Variants in RCAN2 observed in about 807,000 individuals in gnomAD.
RCAN2 encodes the protein calcipressin-2.
In RCAN2, 9 loss-of-function variants were observed where a neutral mutation model predicts 23.6. The ratio of observed to expected loss-of-function variants is 0.38; its 90% CI spans 0.23 to 0.67. RCAN2 has a LOEUF of 0.67. RCAN2 is among the 30% of genes least tolerant of loss of function. RCAN2 has a pLI of 0.51. For synonymous variants in RCAN2, 109 were observed against 115.7 expected (o/e 0.94, Z 0.37); for missense variants, 273 against 302.3 (o/e 0.90, Z 0.72).
At chr6:46,425,196 G>A (rs1767000167) in intron 2 of RCAN2, among the ~76,000 whole-genome samples, 1 of 152,088 alleles carries the variant, frequency 6.6e-6, no homozygotes, top group African/African-American at 2.4e-5. Context: ...AATTATTGAG[G>A]ACACCAAAGT....
At chr6:46,386,494 G>T (rs1765755354) in intron 2 of RCAN2, among the ~76,000 whole-genome samples, 1 of 150,864 alleles carries the variant, frequency 6.6e-6, no homozygotes, top group African/African-American at 2.4e-5. Flanking sequence ...TGTAATCCCA[G>T]CTACTCGGGA....
chr6:46,411,036 C>T (rs1450484640), intron 2 of RCAN2, among the ~76,000 whole-genome samples: 2 of 152,204 alleles, frequency 1.3e-5, no homozygotes, highest in African/African-American at 2.4e-5. Flanking sequence ...AAAGTGCTCA[C>T]TTATTTCAAA....
chr6:46,273,337 T>TTTC (rs1767577855), intron 2 of RCAN2, among the ~76,000 whole-genome samples: 1 of 152,242 alleles, frequency 6.6e-6, no homozygotes, highest in East Asian at 1.9e-4. Context: ...ACATGTTTTG[T>TTTC]ATACTACTAA....
intron 2 of RCAN2, among the ~76,000 whole-genome samples, chr6:46,365,867 G>C (rs1249354241): frequency 6.6e-6 from 1 of 152,126 alleles, no homozygotes; most frequent in African/African-American, 2.4e-5. Flanking sequence ...AATAATAATG[G>C]CTAACATTAT....
At chr6:46,236,937 T>C (rs1766121548) in intron 4 of RCAN2, among the ~76,000 whole-genome samples, 2 of 152,348 alleles carry the variant, frequency 1.3e-5, no homozygotes, top group South Asian at 4.1e-4. Flanking sequence ...ACAACAGCTC[T>C]GTCATGTGGG....
At chr6:46,283,419 G>C (rs1582063164) in intron 2 of RCAN2, among the ~76,000 whole-genome samples, 1 of 152,070 alleles carries the variant, frequency 6.6e-6, no homozygotes, top group East Asian at 1.9e-4. Flanking sequence ...CTCTAGCCTG[G>C]GCAGCAAAGA....
chr6:46,485,000 C>T (rs369800292), intron 1 of RCAN2, among the ~76,000 whole-genome samples: 10 of 151,996 alleles, frequency 6.6e-5, no homozygotes, highest in South Asian at 2.1e-4. Flanking sequence ...TAGTATAACC[C>T]GCTAAAAAAA....
At chr6:46,256,382 T>TAAATAAAATAAAATA (rs78198715) in intron 2 of RCAN2, among the ~76,000 whole-genome samples, 7,051 of 147,816 alleles carry the variant, frequency 0.048, 281 homozygotes, top group African/African-American at 0.1. Context: ...AAAAGAAAAA[T>TAAATAAAATAAAATA]AAATAAAATA....
chr6:46,325,104 T>C (rs1318237385), intron 2 of RCAN2, among the ~76,000 whole-genome samples: 1 of 152,180 alleles, frequency 6.6e-6, no homozygotes, highest in African/African-American at 2.4e-5. Flanking sequence ...TTGACAAAGA[T>C]ACAATATGAG....
chr6:46,394,395 T>G (rs1257788716), intron 2 of RCAN2, among the ~76,000 whole-genome samples: 1 of 147,962 alleles, frequency 6.8e-6, no homozygotes, highest in East Asian at 1.9e-4. Flanking sequence ...TATGTTAGTT[T>G]CACATTTATG....
At chr6:46,295,958 CTT>C (rs796327727) in intron 2 of RCAN2, among the ~76,000 whole-genome samples, 2 of 142,596 alleles carry the variant, frequency 1.4e-5, no homozygotes, top group Non-Finnish European at 1.5e-5. Context: ...AATGAGCAAA[CTT>C]TTTTTTTTTT....
chr6:46,240,255 C>T (rs1766258127), intron 4 of RCAN2, among the ~76,000 whole-genome samples: 1 of 152,142 alleles, frequency 6.6e-6, no homozygotes, highest in South Asian at 2.1e-4. Context: ...ATGATTCTTC[C>T]TTAAAGTACT....
chr6:46,450,801 T>C (rs1341172167), intron 2 of RCAN2, among the ~76,000 whole-genome samples: 1 of 152,010 alleles, frequency 6.6e-6, no homozygotes, highest in African/African-American at 2.4e-5. Flanking sequence ...GAACAAAGGC[T>C]ACAAAATTTT....
chr6:46,272,217 A>T (rs1767542361), intron 2 of RCAN2, among the ~76,000 whole-genome samples: 1 of 152,200 alleles, frequency 6.6e-6, no homozygotes, highest in Non-Finnish European at 1.5e-5. Context: ...AAAGATGAAC[A>T]TGGCAAAATA....
rs79276560 is a variant in RCAN2, at chr6:46,239,579, A to G, written c.571+7169T>C. 6.3e-3 allele frequency among the ~76,000 whole-genome samples: 952 copies of G among 152,252 alleles called. 11 individuals are homozygous for G. The highest frequency in any genetic ancestry group is 0.02 in the African/African-American group (830 of 41,542). On this transcript the variant is annotated intron_variant, in intron 4 of 4. Transcript: ENST00000371374. Reference sequence around the variant, plus strand: ...TTGTATGTGTGCATTTTAAGAAAATATTGATGAAATAATTGGGGTTCTCTT... The same window carrying G: ...TTGTATGTGTGCATTTTAAGAAAATGTTGATGAAATAATTGGGGTTCTCTT...
intron 2 of RCAN2, among the ~76,000 whole-genome samples, chr6:46,334,856 C>T (rs1582116008): frequency 6.6e-6 from 1 of 152,202 alleles, no homozygotes; most frequent in Non-Finnish European, 1.5e-5. Context: ...AGTTTTATCC[C>T]TGCCTTAATT....
At chr6:46,238,145 A>G (rs891190856) in intron 4 of RCAN2, among the ~76,000 whole-genome samples, 1 of 152,122 alleles carries the variant, frequency 6.6e-6, no homozygotes, top group East Asian at 1.9e-4. Flanking sequence ...GTCTTCCCCT[A>G]GTTTTCTAAA....
chr6:46,269,657 A>G (rs1323554290), intron 2 of RCAN2, among the ~76,000 whole-genome samples: 2 of 152,196 alleles, frequency 1.3e-5, no homozygotes, highest in Non-Finnish European at 2.9e-5. Context: ...AGCTGTGCAG[A>G]TACAGGCCTT....
At chr6:46,247,677 G>C (rs1582027326) in intron 3 of RCAN2, among the ~76,000 whole-genome samples, 1 of 152,188 alleles carries the variant, frequency 6.6e-6, no homozygotes, top group Non-Finnish European at 1.5e-5. Context: ...GCATTTATCA[G>C]TATTTTAGTC....
Sources: allele counts gnomAD v4.1 joint callset (sites outside exome capture counted in the v4.1 genomes callset), GRCh38; gene constraint gnomAD v4.1.1; transcripts MANE v1.5; gene names NCBI Gene and HGNC (gene_info 2026-07-23, HGNC 2026-07-21).